The following GRXCR1 variants were observed in gnomAD, a reference collection of about 807,000 sequenced individuals.
GRXCR1 encodes the protein glutaredoxin domain-containing cysteine-rich protein 1.
GRXCR1 carries 27 observed loss-of-function variants against 27.3 expected under a neutral mutation model. The observed-to-expected ratio is 0.99, with a 90% confidence interval of 0.73 to 1.37. GRXCR1 has a LOEUF of 1.37. GRXCR1 is among the 40% of genes most tolerant of loss of function. The pLI is 0.00. For synonymous variants in GRXCR1, 122 were observed against 131.1 expected (o/e 0.93, Z 0.47); for missense variants, 379 against 354.4 (o/e 1.07, Z -0.56).
intron 2 of GRXCR1, among the ~76,000 whole-genome samples, chr4:42,985,176 A>G (rs1191632804): frequency 1.3e-5 from 2 of 152,066 alleles, no homozygotes; most frequent in Admixed American, 1.3e-4. Context: ...AATTGTTCAA[A>G]TTGATATTTC....
At chr4:42,973,905 A>G (rs1487160205) in intron 2 of GRXCR1, among the ~76,000 whole-genome samples, 1 of 152,182 alleles carries the variant, frequency 6.6e-6, no homozygotes, top group Non-Finnish European at 1.5e-5. Flanking sequence ...AACATTTGCT[A>G]AAATTAAATA....
intron 1 of GRXCR1, among the ~76,000 whole-genome samples, chr4:42,924,998 AT>A (rs1747122715): frequency 6.6e-6 from 1 of 151,914 alleles, no homozygotes; most frequent in South Asian, 2.1e-4. Context: ...GCTTTCTGCA[AT>A]TTGTTTGCAG....
chr4:42,942,804 A>T (rs1445286504), intron 1 of GRXCR1, among the ~76,000 whole-genome samples: 1 of 152,124 alleles, frequency 6.6e-6, no homozygotes, highest in Non-Finnish European at 1.5e-5. Context: ...CTATTTCCTT[A>T]TACTGTTTTA....
At chr4:42,905,449 GC>G (rs1344392448) in intron 1 of GRXCR1, among the ~76,000 whole-genome samples, 1 of 152,184 alleles carries the variant, frequency 6.6e-6, no homozygotes, top group Non-Finnish European at 1.5e-5. Context: ...TCTGCTATGA[GC>G]CACACGGTGG....
intron 2 of GRXCR1, among the ~76,000 whole-genome samples, chr4:43,012,366 A>G (rs1489836816): frequency 4.6e-5 from 7 of 152,196 alleles, no homozygotes; most frequent in African/African-American, 1.7e-4. Context: ...AGAAATAATC[A>G]TATATTAAGC....
chr4:42,894,342 G>A (rs1400149445), intron 1 of GRXCR1, among the ~76,000 whole-genome samples: 1 of 151,836 alleles, frequency 6.6e-6, no homozygotes, highest in Non-Finnish European at 1.5e-5. Flanking sequence ...TTCAGGTATT[G>A]GGGCTTTTGA....
chr4:42,952,992 G>A (rs998412444), intron 1 of GRXCR1, among the ~76,000 whole-genome samples: 26 of 152,226 alleles, frequency 1.7e-4, no homozygotes, highest in Non-Finnish European at 2.4e-4. Context: ...CTACGTCAAG[G>A]ACATGTTCTT....
In GRXCR1 at chr4:43,030,607, A is replaced by G; in HGVS notation, c.*67A>G. On this transcript the variant is annotated 3_prime_UTR_variant, in exon 4 of 4. Coordinates refer to ENST00000399770, the MANE Select transcript of GRXCR1 (RefSeq NM_001080476.3). The stretch of plus-strand genomic sequence containing the variant: ...AGGCAATACTTTGGTTTATATATAT[A>G]TTTTTAAATGGTTATGTTTATGGAT... 1 of 1,218,976 alleles carries G rather than the reference A, an allele frequency of 8.2e-7. No homozygotes were observed. 75.5% of individuals were successfully genotyped at this position (1,218,976 alleles called of 1,614,324 possible).
At chr4:42,942,879 C>T (rs1225572526) in intron 1 of GRXCR1, among the ~76,000 whole-genome samples, 1 of 151,994 alleles carries the variant, frequency 6.6e-6, no homozygotes, top group Non-Finnish European at 1.5e-5. Flanking sequence ...CCTTGAAAAC[C>T]TGAACCTTGC....
chr4:43,014,773 C>A (rs771195010), intron 2 of GRXCR1, among the ~76,000 whole-genome samples: 1 of 152,042 alleles, frequency 6.6e-6, no homozygotes, highest in Non-Finnish European at 1.5e-5. Flanking sequence ...AAAAGAAACA[C>A]CCACTTGGAA....
intron 2 of GRXCR1, among the ~76,000 whole-genome samples, chr4:42,989,324 C>A (rs1711887807): frequency 6.6e-6 from 1 of 152,048 alleles, no homozygotes; most frequent in Non-Finnish European, 1.5e-5. Context: ...CCTATTGTCT[C>A]TTCTTCATCT....
rs149865081 is a variant in GRXCR1 at position 42,951,747 on chromosome 4, A to G, written c.385-11145A>G. Among the ~76,000 whole-genome samples the G allele has an allele frequency of 7.9e-5, 12 of 152,266 alleles. No individual in the cohort carries two copies. The East Asian group carries it at 9.7e-4, about 12-fold the overall frequency. ...ACATTCCCACCAACAGTGTAAAAGC[A>G]TTCCCTTTTCTCCACATCCTCACTA... On this transcript the variant is annotated intron_variant, in intron 1 of 3. Transcript: ENST00000399770.
chr4:42,922,237 G>A (rs1747031308), intron 1 of GRXCR1, among the ~76,000 whole-genome samples: 3 of 152,086 alleles, frequency 2.0e-5, no homozygotes, highest in African/African-American at 4.8e-5. Flanking sequence ...GGTGGCATGG[G>A]ATACACTGTC....
chr4:43,007,270 A>G (rs1712592560), intron 2 of GRXCR1, among the ~76,000 whole-genome samples: 2 of 152,178 alleles, frequency 1.3e-5, no homozygotes, highest in African/African-American at 4.8e-5. Context: ...TTAATGCAAG[A>G]AGGAGCTGGG....
At chr4:42,917,826 G>A (rs1474024629) in intron 1 of GRXCR1, among the ~76,000 whole-genome samples, 1 of 151,908 alleles carries the variant, frequency 6.6e-6, no homozygotes, top group Admixed American at 6.6e-5. Context: ...AAGTGAGAGA[G>A]GGAAGGAAGT....
intron 3 of GRXCR1, among the ~76,000 whole-genome samples, chr4:43,027,934 C>A (rs1313700592): frequency 6.6e-6 from 1 of 152,024 alleles, no homozygotes; most frequent in Non-Finnish European, 1.5e-5. Context: ...CATGGTGAAA[C>A]CCCATCTCTA....
rs370812791 is a variant in GRXCR1, at chr4:42,963,076, G to A, written c.569G>A (p.Arg190Gln). 10 of 1,612,592 alleles carry A rather than the reference G, an allele frequency of 6.2e-6. No homozygotes were observed. The highest frequency in any genetic ancestry group is 2.2e-5 in the East Asian group (1 of 44,850). Residue 190 changes from arginine to glutamine, a missense_variant, in exon 2 of 4, where the codon CGA (arginine) becomes CAA (glutamine). Coordinates refer to ENST00000399770, the MANE Select transcript of GRXCR1 (RefSeq NM_001080476.3). ...GGAAAAGAGTTAGACGAACGATGCC[G>A]ACGAGTTTCTGAAGCTCCTTCCCTC... The part of the protein sequence containing the change: ...EYGKELDERC[R>Q]RVSEAPSLPV...
At chr4:42,989,045 C>T (rs1029782502) in intron 2 of GRXCR1, among the ~76,000 whole-genome samples, 1 of 152,176 alleles carries the variant, frequency 6.6e-6, no homozygotes, top group Non-Finnish European at 1.5e-5. Context: ...AGCTAGTTGC[C>T]TTTGCTTATA....
chr4:42,907,781 T>A (rs1469202835), intron 1 of GRXCR1, among the ~76,000 whole-genome samples: 1 of 152,194 alleles, frequency 6.6e-6, no homozygotes, highest in Non-Finnish European at 1.5e-5. Context: ...GCTATAACTT[T>A]AAGTTTAGTG....
Sources: gnomAD v4.1 joint callset for allele counts (sites outside exome capture counted in the v4.1 genomes callset) on GRCh38, gnomAD v4.1.1 for gene constraint, MANE v1.5 for transcripts, NCBI Gene and HGNC (gene_info 2026-07-23, HGNC 2026-07-21) for gene names.